SCIN: variants seen among roughly 807,000 people sequenced by gnomAD.
SCIN encodes the protein scinderin, also known as adseverin.
A neutral mutation model predicts 91.8 loss-of-function variants in SCIN; 91 were observed. That is an observed-to-expected ratio of 0.99 (90% confidence interval 0.84 to 1.18). SCIN has a LOEUF of 1.18. Ranked by LOEUF, SCIN falls within the 50% of genes most tolerant of loss-of-function variation. The pLI is 0.00. For synonymous variants in SCIN, 367 were observed against 312.6 expected, an observed-to-expected ratio of 1.17 and a Z score of -1.84; for missense variants, 1,087 against 863.9, an observed-to-expected ratio of 1.26 and a Z score of -3.24.
intron 3 of SCIN, among the ~76,000 whole-genome samples, chr7:12,581,743 A>ATATTATATCTGACTT (rs1782492219): frequency 6.6e-6 from 1 of 152,236 alleles, no homozygotes; most frequent in Non-Finnish European, 1.5e-5. Flanking sequence ...GGGCAATGGT[A>ATATTATATCTGACTT]TATTATATCT....
In SCIN at chr7:12,644,294, A is replaced by G; in HGVS notation, c.1738A>G (p.Ile580Val). 1 of 1,591,558 alleles carries G rather than the reference A, an allele frequency of 6.3e-7. No individual in the cohort carries two copies. The highest frequency in any genetic ancestry group is 8.6e-7 in the Non-Finnish European group (1 of 1,168,558). Residue 580 changes from isoleucine (I) to valine (V), a missense_variant, in exon 12 of 16, where the codon ATC becomes GTC. Coordinates refer to ENST00000297029, the MANE Select transcript of SCIN (RefSeq NM_001112706.3). ...TGTCCTAAAGTGCAAAACCTTAAGG[A>G]TCCAAGAAGGCGAGGAGCCAGGTGT... is the stretch of plus-strand genomic sequence containing the variant. ...ASVLKCKTLR[I>V]QEGEEPEEFW... is the part of the protein sequence containing the mutation.
intron 3 of SCIN, among the ~76,000 whole-genome samples, chr7:12,595,159 T>C (rs1251656021): frequency 6.6e-6 from 1 of 151,864 alleles, no homozygotes; most frequent in Non-Finnish European, 1.5e-5. Context: ...GTCAGGCGAG[T>C]AAGCTTATTA....
intron 3 of SCIN, among the ~76,000 whole-genome samples, chr7:12,600,815 C>T (rs1241809449): frequency 1.3e-5 from 2 of 152,148 alleles, no homozygotes; most frequent in Non-Finnish European, 2.9e-5. Context: ...ATAGGGCTCA[C>T]ATCTCTGTAT....
At chr7:12,605,178 A>T (rs976194932) in intron 4 of SCIN, among the ~76,000 whole-genome samples, 1 of 152,002 alleles carries the variant, frequency 6.6e-6, no homozygotes, top group Non-Finnish European at 1.5e-5. Flanking sequence ...CAGCCTCCCT[A>T]GTAGCTGGGA....
chr7:12,613,543 G>C (rs1318159719), intron 4 of SCIN, among the ~76,000 whole-genome samples: 1 of 152,058 alleles, frequency 6.6e-6, no homozygotes, highest in Non-Finnish European at 1.5e-5. Flanking sequence ...TCACATATTG[G>C]AAAGAGGTTC....
chr7:12,607,366 G>A (rs1388980067), intron 4 of SCIN, among the ~76,000 whole-genome samples: 2 of 152,162 alleles, frequency 1.3e-5, no homozygotes, highest in African/African-American at 2.4e-5. Flanking sequence ...GCCCTGCTGG[G>A]CATGTACATA....
chr7:12,570,826 G>GGCAA lies in SCIN; in HGVS notation c.44_47dup (p.Leu19GlyfsTer8), dbSNP rs1782250274. 1 of 1,551,470 alleles carries GGCAA rather than the reference G, an allele frequency of 6.4e-7. No homozygotes were observed. The highest frequency in any genetic ancestry group is 8.7e-7 in the Non-Finnish European group (1 of 1,146,982). ...ATACCACGAAGAGTTCGCCCGGGCG[G>GGCAA]GCAAGCAGGCGGGGCTGCAGGTCTG... On this transcript the variant is annotated frameshift_variant, in exon 1 of 16. Transcript: ENST00000297029. LOFTEE classifies it high-confidence loss of function.
chr7:12,629,279 G>C (rs1425525990), intron 9 of SCIN, 57 bp downstream of exon 9: 3 of 1,539,654 alleles, frequency 1.9e-6, no homozygotes, highest in Non-Finnish European at 2.6e-6. Flanking sequence ...TTGCTCCAAA[G>C]TATTAAATTC....
At chr7:12,623,290 A>G (rs1201277628) in intron 5 of SCIN, among the ~76,000 whole-genome samples, 3 of 152,122 alleles carry the variant, frequency 2.0e-5, no homozygotes, top group Admixed American at 6.6e-5. Flanking sequence ...GTCTTTAGCC[A>G]TAATGAAGGA....
intron 3 of SCIN, among the ~76,000 whole-genome samples, chr7:12,586,635 G>A (rs1384667052): frequency 6.6e-6 from 1 of 152,138 alleles, no homozygotes; most frequent in Non-Finnish European, 1.5e-5. Flanking sequence ...ATGCCCCTAT[G>A]TTTATTGCAT....
chr7:12,616,297 A>G (rs1366178792), intron 4 of SCIN, among the ~76,000 whole-genome samples: 2 of 152,106 alleles, frequency 1.3e-5, no homozygotes, highest in Non-Finnish European at 1.5e-5. Context: ...TAGAGCCCTC[A>G]TGAATAGTTT....
intron 3 of SCIN, among the ~76,000 whole-genome samples, chr7:12,596,011 G>A (rs1028358087): frequency 6.6e-6 from 1 of 152,194 alleles, no homozygotes; most frequent in Admixed American, 6.5e-5. Flanking sequence ...CAGAGCAGGA[G>A]TGGAAGTTTA....
chr7:12,611,229 C>G (rs1783185568), intron 4 of SCIN: 1 of 152,148 alleles, frequency 6.6e-6, no homozygotes, highest in Admixed American at 6.5e-5. Context: ...CTTGTTCTTC[C>G]CCCAAAGTTA....
intron 3 of SCIN, among the ~76,000 whole-genome samples, chr7:12,597,220 A>G (rs547013491): frequency 1.3e-5 from 2 of 152,334 alleles, no homozygotes; most frequent in African/African-American, 4.8e-5. Flanking sequence ...TATCTCACAA[A>G]TCATTGTTTT....
At position 12,625,798 on chromosome 7, in the gene SCIN, T is replaced by G. The variant is rs1364077184; in HGVS notation, c.929T>G (p.Met310Arg). The G allele has an allele frequency of 1.2e-6, 2 of 1,612,342 alleles. No homozygotes were observed. The highest frequency in any genetic ancestry group is 1.7e-6 in the Non-Finnish European group (2 of 1,178,678). The change falls in exon 7 of 16, where the codon ATG (methionine) becomes AGG (arginine). Residue 310 changes from methionine (M) to arginine (R), a missense_variant. Met to Arg is a moderately conservative substitution (Grantham distance 91). Coordinates refer to ENST00000297029, the MANE Select transcript of SCIN (RefSeq NM_001112706.3). ...DANPQERKAA[M>R]KTAEEFLQQM... is the part of the protein sequence containing the mutation. Reference sequence around the variant, plus strand: ...AATCCCCAAGAGAGGAAGGCTGCAATGAAGACAGCTGAAGAATTTCTACAG... The same window carrying G: ...AATCCCCAAGAGAGGAAGGCTGCAAGGAAGACAGCTGAAGAATTTCTACAG...
At chr7:12,643,713 C>T (rs1325632870) in intron 11 of SCIN, among the ~76,000 whole-genome samples, 2 of 152,200 alleles carry the variant, frequency 1.3e-5, no homozygotes, top group Non-Finnish European at 1.5e-5. Context: ...ATCACCCCTG[C>T]CTTCTTGAAG....
Position 12,625,024 on chromosome 7 carries a change from T to G in SCIN, c.774T>G (p.Ser258Arg). 1 of 1,563,190 alleles carries G rather than the reference T, an allele frequency of 6.4e-7. No homozygotes were observed. Among genetic ancestry groups the G allele is most frequent in the Non-Finnish European group, 8.7e-7 (1 of 1,152,378 alleles). Residue 258 changes from serine to arginine, a missense_variant, in exon 6 of 16, where the codon AGT (serine) becomes AGG (arginine). By Grantham distance (110) the Ser-to-Arg change is moderately radical. Coordinates refer to ENST00000297029, the MANE Select transcript of SCIN (RefSeq NM_001112706.3). ...MAKLYMVSDA[S>R]GSMRVTVVAE... ...TTTTATATTAGGTTTCAGATGCAAG[T>G]GGCTCCATGAGAGTGACTGTGGTGG...
intron 1 of SCIN, among the ~76,000 whole-genome samples, chr7:12,576,039 A>G (rs1311576579): frequency 6.6e-6 from 1 of 152,198 alleles, no homozygotes; most frequent in Admixed American, 6.5e-5. Flanking sequence ...ATGCCTGTCC[A>G]TTTACATCTA....
rs752874874 is a variant in SCIN, at chr7:12,592,626, G to A, written c.516+11405G>A. 4.7e-4 allele frequency among the ~76,000 whole-genome samples: 72 copies of A among 152,136 alleles called. 1 individual carries two copies. Among genetic ancestry groups the A allele is most frequent in the Admixed American group, 2.6e-3 (40 of 15,280 alleles). ...CTCTGGTTGAAGGGGGCAAGAAAAGGTGATAGAAGCTTTGACTTTGGCTAA... is the reference window on the plus strand; with the variant it reads ...CTCTGGTTGAAGGGGGCAAGAAAAGATGATAGAAGCTTTGACTTTGGCTAA... On this transcript the variant is annotated intron_variant, in intron 3 of 15. Transcript: ENST00000297029.
Sources: gnomAD v4.1 joint callset for allele counts (sites outside exome capture counted in the v4.1 genomes callset) on GRCh38, gnomAD v4.1.1 for gene constraint, MANE v1.5 for transcripts, NCBI Gene and HGNC (gene_info 2026-07-23, HGNC 2026-07-21) for gene names.